Variants in CDC73 observed in about 807,000 individuals in gnomAD.
The protein encoded by CDC73 is cell division cycle 73, also known as parafibromin.
A neutral mutation model predicts 83.7 loss-of-function variants in CDC73; 21 were observed. That is an observed-to-expected ratio of 0.25 (90% CI 0.18 to 0.36). The LOEUF (loss-of-function observed/expected upper bound fraction) is 0.36. CDC73 is among the 10% of genes least tolerant of loss of function. CDC73 has a pLI of 1.00. For synonymous variants in CDC73, 224 were observed against 212.9 expected (o/e 1.05, Z -0.45); for missense variants, 342 against 653.3 (o/e 0.52, Z 5.19).
At chr1:193,177,250 G>A (rs1366575760) in intron 10 of CDC73, among the ~76,000 whole-genome samples, 3 of 150,768 alleles carry the variant, frequency 2.0e-5, no homozygotes, top group Non-Finnish European at 3.0e-5. Context: ...TCGGCCGGGC[G>A]CGGTGGCTCA....
chr1:193,152,426 G>T lies in CDC73; in HGVS notation c.954G>T (p.Met318Ile). The T allele has an allele frequency of 6.2e-7, 1 of 1,610,528 alleles. No individual in the cohort carries two copies. Among genetic ancestry groups the T allele is most frequent in the South Asian group, 1.1e-5 (1 of 90,970 alleles). Residue 318 changes from methionine (M) to isoleucine (I), a missense_variant, in exon 10 of 17, where the codon ATG becomes ATT. Coordinates refer to ENST00000367435, the MANE Select transcript of CDC73 (RefSeq NM_024529.5). ...KIDTMGTYHG[M>I]TLKSVTEGAS... ...ACACTATGGGAACCTACCATGGTAT[G>T]ACACTGAAATCTGTAACGGTAAGTT... is the stretch of plus-strand genomic sequence containing the variant.
chr1:193,179,634 A>G (rs1676675996), intron 10 of CDC73: 1 of 152,598 alleles, frequency 6.6e-6, no homozygotes, highest in South Asian at 2.1e-4. Context: ...TTCACATTTT[A>G]CCACGTCATG....
At position 193,252,827 on chromosome 1, in the gene CDC73, C is replaced by G. The variant is rs566197187; in HGVS notation, c.*2115C>G. Reference sequence around the variant, plus strand: ...TATATAGCAGTACTTAACACAGTGCCTTGCACATAGTAGGCATTCAGTAAA... The same window carrying G: ...TATATAGCAGTACTTAACACAGTGCGTTGCACATAGTAGGCATTCAGTAAA... On this transcript the variant is annotated 3_prime_UTR_variant, in exon 17 of 17. Transcript: ENST00000367435. 4.3e-6 allele frequency: 1 copy of G among 231,876 alleles called. No homozygotes were observed. Among genetic ancestry groups the G allele is most frequent in the South Asian group, 1.8e-4 (1 of 5,520 alleles). 14.4% of individuals were successfully genotyped at this position (231,876 alleles called of 1,614,324 possible).
chr1:193,220,184 T>G (rs865816811), intron 13 of CDC73, among the ~76,000 whole-genome samples: 3 of 146,604 alleles, frequency 2.0e-5, no homozygotes, highest in Non-Finnish European at 3.0e-5. Context: ...TTTTTTTTTT[T>G]GAGACGGAGT....
At chr1:193,123,669 A>AT (rs1468203108) in intron 1 of CDC73, among the ~76,000 whole-genome samples, 2 of 145,044 alleles carry the variant, frequency 1.4e-5, no homozygotes, top group Admixed American at 1.4e-4. Context: ...ATTTTTAGTG[A>AT]ATTTTTTTTT....
At chr1:193,122,995 A>C (rs563695734) in intron 1 of CDC73, among the ~76,000 whole-genome samples, 1 of 152,158 alleles carries the variant, frequency 6.6e-6, no homozygotes, top group Non-Finnish European at 1.5e-5. Context: ...TTAAAGGGAA[A>C]TGTTTGGGAA....
At chr1:193,225,731 T>A (rs1163000567) in intron 13 of CDC73, among the ~76,000 whole-genome samples, 1 of 152,132 alleles carries the variant, frequency 6.6e-6, no homozygotes, top group Non-Finnish European at 1.5e-5. Flanking sequence ...TTTCCTGCCC[T>A]TAGCCCACTT....
At position 193,250,861 on chromosome 1, in the gene CDC73, A is replaced by G. The variant is rs1678033528; in HGVS notation, c.*149A>G. 1 of 699,850 alleles carries G rather than the reference A, an allele frequency of 1.4e-6. No individual in the cohort carries two copies. Among genetic ancestry groups the G allele is most frequent in the Admixed American group, 2.4e-5 (1 of 40,958 alleles). The allele number at this position is 699,850 out of a possible 1,614,324, so 43.4% of individuals were successfully genotyped here. On this transcript the variant is annotated 3_prime_UTR_variant, in exon 17 of 17. Coordinates refer to ENST00000367435, the MANE Select transcript of CDC73 (RefSeq NM_024529.5). ...AGGAGATGATACCTGTCATCCATAT[A>G]AGCAAACTTTTTGGCTTACAACTAT...
chr1:193,153,978 G>C (rs1470390552), intron 10 of CDC73, among the ~76,000 whole-genome samples: 1 of 152,158 alleles, frequency 6.6e-6, no homozygotes, highest in Non-Finnish European at 1.5e-5. Flanking sequence ...CTAGAGTTTG[G>C]AGAACTAAGG....
At chr1:193,131,582 C>A (rs1159805313) in intron 3 of CDC73, among the ~76,000 whole-genome samples, 3 of 152,188 alleles carry the variant, frequency 2.0e-5, no homozygotes, top group Non-Finnish European at 4.4e-5. Flanking sequence ...ACTTGTTACC[C>A]TGGCAGTCAT....
chr1:193,201,398 A>T (rs1483212210), intron 10 of CDC73, among the ~76,000 whole-genome samples: 1 of 152,206 alleles, frequency 6.6e-6, no homozygotes, highest in Non-Finnish European at 1.5e-5. Flanking sequence ...TTATAGCTTA[A>T]TTCTCTCTTT....
intron 13 of CDC73, among the ~76,000 whole-genome samples, chr1:193,221,392 G>GT (rs1298830076): frequency 1.4e-4 from 21 of 151,026 alleles, no homozygotes; most frequent in Non-Finnish European, 2.8e-4. Flanking sequence ...TTGTTTTTTT[G>GT]TTTTTTGTTT....
At chr1:193,198,957 T>G (rs1369439253) in intron 10 of CDC73, among the ~76,000 whole-genome samples, 1 of 152,246 alleles carries the variant, frequency 6.6e-6, no homozygotes, top group African/African-American at 2.4e-5. Flanking sequence ...CTCAGCCGTT[T>G]AAGTGGTTAC....
intron 10 of CDC73, among the ~76,000 whole-genome samples, chr1:193,174,979 A>T (rs910280079): frequency 6.6e-6 from 1 of 152,196 alleles, no homozygotes; most frequent in African/African-American, 2.4e-5. Context: ...TTATCCAGGA[A>T]TTTTTTGTTT....
At chr1:193,219,399 C>T (rs928916794) in intron 13 of CDC73, among the ~76,000 whole-genome samples, 2 of 152,086 alleles carry the variant, frequency 1.3e-5, no homozygotes, top group African/African-American at 4.8e-5. Flanking sequence ...GGATATATAC[C>T]TAGAGGAATA....
chr1:193,170,295 C>A (rs886422152), intron 10 of CDC73, among the ~76,000 whole-genome samples: 2 of 151,976 alleles, frequency 1.3e-5, no homozygotes, highest in African/African-American at 4.8e-5. Context: ...ATTTATATTC[C>A]TTTGAGTATA....
intron 13 of CDC73, among the ~76,000 whole-genome samples, chr1:193,227,511 G>A (rs751341314): frequency 6.6e-6 from 1 of 152,002 alleles, no homozygotes; most frequent in Non-Finnish European, 1.5e-5. Context: ...ATGGAAACCT[G>A]AAGTCTGTTA....
intron 10 of CDC73, among the ~76,000 whole-genome samples, chr1:193,158,827 G>A (rs1227154424): frequency 6.6e-6 from 1 of 152,000 alleles, no homozygotes; most frequent in Non-Finnish European, 1.5e-5. Flanking sequence ...AATTAAGATA[G>A]TATGTATATA....
intron 13 of CDC73, among the ~76,000 whole-genome samples, chr1:193,218,082 A>G (rs1458937581): frequency 6.6e-6 from 1 of 152,190 alleles, no homozygotes; most frequent in African/African-American, 2.4e-5. Context: ...CTGTACAAAA[A>G]TAAGTAGAAT....
Sources: allele counts gnomAD v4.1 joint callset (sites outside exome capture counted in the v4.1 genomes callset), GRCh38; gene constraint gnomAD v4.1.1; transcripts MANE v1.5; gene names NCBI Gene and HGNC (gene_info 2026-07-23, HGNC 2026-07-21).